ANO7: variants seen among roughly 807,000 people sequenced by gnomAD.
ANO7 encodes anoctamin-7.
ANO7 carries 114 observed loss-of-function variants against 115.8 expected under a neutral mutation model. That is an observed-to-expected ratio of 0.98 (90% CI 0.85 to 1.15). The LOEUF is 1.15. Among genes scored for constraint, ANO7 ranks in the 50% most tolerant of loss-of-function variants. The pLI, the probability that ANO7 is intolerant of heterozygous loss-of-function variation, is 0.00. For missense variants in ANO7, 1,302 were observed against 1,201.2 expected, an observed-to-expected ratio of 1.08 and a Z score of -1.24; for synonymous variants, 550 against 498.2, an observed-to-expected ratio of 1.10 and a Z score of -1.38.
intron 7 of ANO7, among the ~76,000 whole-genome samples, chr2:241,201,679 C>T (rs574639275): frequency 1.7e-4 from 26 of 152,322 alleles, no homozygotes; most frequent in South Asian, 1.2e-3. Context: ...GCAGACCTGC[C>T]CTGCAGCGTC....
At chr2:241,223,869 A>T in intron 23 of ANO7, 36 bp from the exon 24 acceptor site, 1 of 1,613,868 alleles carries the variant, frequency 6.2e-7, no homozygotes, top group Non-Finnish European at 8.5e-7. Context: ...ACTGAGTCAC[A>T]TCCCTCTTCC....
intron 21 of ANO7, among the ~76,000 whole-genome samples, chr2:241,218,845 A>G (rs893487319): frequency 6.6e-6 from 1 of 152,232 alleles, no homozygotes; most frequent in Admixed American, 6.5e-5. Flanking sequence ...ACTGTGGGCT[A>G]CATACATCAG....
rs763463458 is a variant in ANO7 at position 241,191,184 on chromosome 2, T to A, written c.109-10T>A. 11 of 1,613,798 alleles carry A rather than the reference T, an allele frequency of 6.8e-6. No homozygotes were observed. The South Asian group carries it at 1.2e-4, about 18-fold the overall frequency. On this transcript the variant is annotated splice_polypyrimidine_tract_variant and intron_variant, in intron 2 of 24. Coordinates refer to ENST00000674324, the MANE Select transcript of ANO7 (RefSeq NM_001370694.2). ...TGCTGATATGCTTCTCCATCCTCCA[T>A]GCCTTCCAGCCAGGTGGACAGCAAG...
At chr2:241,217,521 C>CT in intron 19 of ANO7, 165 bp from the exon 20 acceptor site, 1 of 781,568 alleles carries the variant, frequency 1.3e-6, no homozygotes, top group Non-Finnish European at 2.0e-6. Flanking sequence ...AGAGGCGGCC[C>CT]TGGCGCTGCG....
rs146783718 is a variant in ANO7 at position 241,223,188 on chromosome 2, A to G, written c.2324A>G (p.Tyr775Cys). 1.4e-4 allele frequency: 232 copies of G among 1,614,002 alleles called. No individual in the cohort carries two copies. Among genetic ancestry groups the G allele is most frequent in the Non-Finnish European group, 1.9e-4 (224 of 1,179,958 alleles). Residue 775 changes from tyrosine to cysteine, a missense_variant and splice_region_variant, in exon 22 of 25, where the codon TAT (tyrosine) becomes TGT (cysteine). Transcript: ENST00000674324. ...FAAAHNRTCR[Y>C]RAFRDDDGHY... Reference sequence around the variant, plus strand: ...ACTGAGTCCTGTGTCTGCTGCAGGTATCGGGCTTTCCGGGATGACGATGGA... The same window carrying G: ...ACTGAGTCCTGTGTCTGCTGCAGGTGTCGGGCTTTCCGGGATGACGATGGA...
intron 16 of ANO7, 123 bp from the exon 17 acceptor site, chr2:241,212,449 A>G: frequency 8.7e-7 from 1 of 1,143,922 alleles, no homozygotes; most frequent in Non-Finnish European, 1.3e-6. Context: ...CCGGGACTCT[A>G]CGCCACAGTT....
At chr2:241,239,548 C>T in the ANO7 span, 9 of 1,449,784 alleles carry the variant, frequency 6.2e-6, no homozygotes, top group Middle Eastern at 1.7e-4. This position sits in a 1 kb window ranked among gnomAD's most constrained non-coding sequence, Gnocchi z 4.6. Context: ...TACACGGCTT[C>T]GGTGAGTGGC....
At chr2:241,233,995 G>A in the ANO7 span, 3 of 1,613,172 alleles carry the variant, frequency 1.9e-6, no homozygotes, top group Non-Finnish European at 2.5e-6. This position sits in a 1 kb window ranked among gnomAD's most constrained non-coding sequence, Gnocchi z 4.3. Context: ...ATGAGGCAAA[G>A]ATTGAGCTGA....
intron 11 of ANO7, among the ~76,000 whole-genome samples, chr2:241,209,081 GAA>G (rs2068657414): frequency 6.6e-6 from 1 of 152,182 alleles, no homozygotes; most frequent in East Asian, 1.9e-4. Context: ...CCCGGGAGGC[GAA>G]GCGTGCAGTG....
chr2:241,189,972 A>T, intron 1 of ANO7, 85 bp from the exon 2 acceptor site: 1 of 1,048,560 alleles, frequency 9.5e-7, no homozygotes, highest in Non-Finnish European at 1.4e-6. Context: ...AAGTGAGCTC[A>T]CTGCAGGCAG....
At chr2:241,235,727 C>T in the ANO7 span, 1 of 624,122 alleles carries the variant, frequency 1.6e-6, no homozygotes, top group South Asian at 2.0e-5. Context: ...CCCGACAATG[C>T]CACCAGGACC....
chr2:241,212,855 G>A (rs532794173), intron 17 of ANO7: 13 of 526,062 alleles, frequency 2.5e-5, no homozygotes, highest in African/African-American at 3.9e-5. Flanking sequence ...ACTCCAGGCC[G>A]GGCACAGTGG....
chr2:241,236,665 T>C, the ANO7 span: 1 of 1,614,040 alleles, frequency 6.2e-7, no homozygotes, highest in Non-Finnish European at 8.5e-7. Flanking sequence ...CCAGAGATGA[T>C]GATGATGTCA....
At chr2:241,239,670 T>C in the ANO7 span, 1 of 1,614,168 alleles carries the variant, frequency 6.2e-7, no homozygotes, top group Non-Finnish European at 8.5e-7. This position sits in a 1 kb window ranked among gnomAD's most constrained non-coding sequence, Gnocchi z 4.6. Flanking sequence ...CCCTTGAGGG[T>C]GACTTTGTCG....
downstream of ANO7, chr2:241,229,367 T>A: frequency 2.2e-6 from 1 of 460,192 alleles, no homozygotes; most frequent in Non-Finnish European, 4.0e-6. Flanking sequence ...TTAGCACGAA[T>A]GCTCATGACC....
intron 17 of ANO7, among the ~76,000 whole-genome samples, chr2:241,214,377 A>G (rs571520221): frequency 1.3e-5 from 2 of 152,332 alleles, no homozygotes; most frequent in South Asian, 4.1e-4. Flanking sequence ...GGTGCCCTGC[A>G]GTGCGGCCGA....
intron 23 of ANO7, 62 bp downstream of exon 23, chr2:241,223,843 T>C (rs2069086902): frequency 6.2e-7 from 1 of 1,613,872 alleles, no homozygotes; most frequent in East Asian, 2.2e-5. Context: ...TGTCAGTGGC[T>C]GCTCTACCTC....
At chr2:241,236,497 C>T in the ANO7 span, 35 of 1,012,086 alleles carry the variant, frequency 3.5e-5, no homozygotes, top group South Asian at 4.9e-4. Flanking sequence ...AGCAAGAGGG[C>T]TACCTCCACT....
At chr2:241,190,276 C>T (rs1310114792) in intron 2 of ANO7, 105 bp downstream of exon 2, 17 of 979,660 alleles carry the variant, frequency 1.7e-5, no homozygotes, top group Non-Finnish European at 2.3e-5. Flanking sequence ...TGGGCATCAC[C>T]GTGTTTCTCC....
Sources: allele counts gnomAD v4.1 joint callset (sites outside exome capture counted in the v4.1 genomes callset), GRCh38; gene constraint gnomAD v4.1.1; non-coding constraint Gnocchi (gnomAD v3.1); transcripts MANE v1.5; gene names NCBI Gene and HGNC (gene_info 2026-07-23, HGNC 2026-07-21).